IRF6: variants seen among roughly 807,000 people sequenced by gnomAD.
The protein encoded by IRF6 is interferon regulatory factor 6, also known as Van der Woude syndrome.
In IRF6, 6 loss-of-function variants were observed where a neutral mutation model predicts 51.4. That is an observed-to-expected ratio of 0.12 (90% confidence interval 0.06 to 0.23). IRF6 has a LOEUF of 0.23. IRF6 is among the 10% of genes least tolerant of loss of function. IRF6 has a pLI of 1.00. For synonymous variants in IRF6, 178 were observed against 215.7 expected (o/e 0.83, Z 1.53); for missense variants, 348 against 585.2 (o/e 0.59, Z 4.18).
chr1:209,793,266 C>T lies in IRF6; in HGVS notation c.509-839G>A, dbSNP rs140096319. The T allele has an allele frequency of 6.6e-5, 10 of 152,248 alleles. 1 individual carries two copies. In the East Asian group the frequency reaches 1.3e-3, roughly 21 times the overall value. 9.4% of individuals were successfully genotyped at this position (152,248 alleles called of 1,614,324 possible). On this transcript the variant is annotated intron_variant, in intron 5 of 8. Coordinates refer to ENST00000367021, the MANE Select transcript of IRF6 (RefSeq NM_006147.4). ...TGTCACCCAGACTGGAGTGCAATGG[C>T]ACTCTGGTTAAATTTATGGGAACTG...
intron 5 of IRF6, among the ~76,000 whole-genome samples, chr1:209,793,359 T>C (rs969056536): frequency 3.3e-5 from 5 of 152,184 alleles, no homozygotes; most frequent in African/African-American, 1.2e-4. Context: ...CAAAAAAGGA[T>C]TAAAGGCAGC....
At chr1:209,792,129 G>A in intron 6 of IRF6, 140 bp downstream of exon 6, 1 of 919,654 alleles carries the variant, frequency 1.1e-6, no homozygotes, top group Non-Finnish European at 1.7e-6. Context: ...TCATGGGCTA[G>A]CCAGGAAACA....
intron 2 of IRF6, 77 bp from the exon 3 acceptor site, chr1:209,801,493 C>G: frequency 8.7e-7 from 1 of 1,149,622 alleles, no homozygotes; most frequent in Non-Finnish European, 1.2e-6. Flanking sequence ...AGCCACCTTT[C>G]CCATCTACTA....
At chr1:209,798,088 T>A (rs144490175) in intron 3 of IRF6, among the ~76,000 whole-genome samples, 16 of 152,314 alleles carry the variant, frequency 1.1e-4, no homozygotes, top group Non-Finnish European at 2.2e-4. Flanking sequence ...CAAAAGCTAA[T>A]CTAAATCCTC....
At chr1:209,800,515 G>A (rs918120094) in intron 3 of IRF6, among the ~76,000 whole-genome samples, 5 of 152,160 alleles carry the variant, frequency 3.3e-5, no homozygotes, top group African/African-American at 9.7e-5. Flanking sequence ...TGAACACTCT[G>A]GGAGGCTAAG....
At chr1:209,795,520 C>T (rs1571982765) in intron 4 of IRF6, 102 bp from the exon 5 acceptor site, 1 of 1,562,464 alleles carries the variant, frequency 6.4e-7, no homozygotes, top group Middle Eastern at 2.3e-4. Flanking sequence ...CCAGAGGCTC[C>T]TCAGGTTCAG....
At position 209,788,511 on chromosome 1, in the gene IRF6, T is replaced by G. The variant is rs753818978; in HGVS notation, c.1313A>C (p.Gln438Pro). ...IKDNIVAQLK[Q>P]LYRILQTQES... ...CTGGGTTTGAAGGATGCGGTACAGC[T>G]GCTTCAGCTGAGCAACGATGTTATC... is the stretch of plus-strand genomic sequence containing the variant. Residue 438 changes from glutamine to proline, a missense_variant, in exon 9 of 9, where the codon CAG (glutamine) becomes CCG (proline). Transcript: ENST00000367021. 1.9e-6 allele frequency: 3 copies of G among 1,614,064 alleles called. No individual in the cohort carries two copies. The African/African-American group carries it at 4.0e-5, about 22-fold the overall frequency.
intron 1 of IRF6, among the ~76,000 whole-genome samples, chr1:209,803,965 C>T (rs1295240231): frequency 6.6e-6 from 1 of 151,702 alleles, no homozygotes; most frequent in African/African-American, 2.4e-5. Flanking sequence ...ACACACAGAA[C>T]TGAAAAAAGG....
In IRF6 at chr1:209,803,161, G is replaced by A. The variant is rs1415366408; in HGVS notation, c.-75-1118C>T. Among the ~76,000 whole-genome samples the A allele has an allele frequency of 2.6e-5, 4 of 152,200 alleles. No individual in the cohort carries two copies. The East Asian group carries it at 5.8e-4, about 22-fold the overall frequency. The stretch of plus-strand genomic sequence containing the variant: ...AGTGCATTATAAGCCTTATAAGGAG[G>A]AGGGGATGCATATTCTCTCAACGGC... On this transcript the variant is annotated intron_variant, in intron 1 of 8. Transcript: ENST00000367021.
At chr1:209,795,064 A>G (rs150315211) in intron 5 of IRF6, among the ~76,000 whole-genome samples, 1,667 of 152,320 alleles carry the variant, frequency 0.011, 28 homozygotes, top group African/African-American at 0.038. Context: ...TTAGCACATA[A>G]GCTTCCAAAG....
rs1558042758 is a variant in IRF6, at chr1:209,801,170, G to A, written c.174+70C>T. 8.5e-6 allele frequency: 11 copies of A among 1,288,350 alleles called. No individual in the cohort carries two copies. The South Asian group carries it at 1.2e-4, about 14-fold the overall frequency. 79.8% of individuals were successfully genotyped at this position (1,288,350 alleles called of 1,614,324 possible). ...GTTTCACCAGAGTTTTAGATCTAGT[G>A]TATTCCCCATGCCAAAAAAAAAAAA... On this transcript the variant is annotated intron_variant, in intron 3 of 8. Transcript: ENST00000367021.
intron 3 of IRF6, among the ~76,000 whole-genome samples, chr1:209,798,973 A>G (rs1242917623): frequency 1.3e-5 from 2 of 151,706 alleles, no homozygotes; most frequent in African/African-American, 4.8e-5. Context: ...TGTGGCAATC[A>G]TTGTGATTTA....
chr1:209,791,682 T>G (rs1420933952), intron 6 of IRF6, among the ~76,000 whole-genome samples: 1 of 152,212 alleles, frequency 6.6e-6, no homozygotes, highest in Non-Finnish European at 1.5e-5. Context: ...CCTGCGTGAC[T>G]GATAAATCTG....
chr1:209,789,630 A>C, intron 8 of IRF6, 37 bp downstream of exon 8: 3 of 1,486,818 alleles, frequency 2.0e-6, no homozygotes, highest in Non-Finnish European at 2.8e-6. Context: ...CATTGGCAAA[A>C]AGATGAAGAG....
At position 209,796,837 on chromosome 1, in the gene IRF6, G is replaced by A. The variant is rs188929265; in HGVS notation, c.175-285C>T. ...GAACCTTATCTCAAGCACTGGTACC[G>A]GCACTCATCAAGACGACAATGCTCT... On this transcript the variant is annotated intron_variant, in intron 3 of 8. Coordinates refer to ENST00000367021, the MANE Select transcript of IRF6 (RefSeq NM_006147.4). This position sits in a 1 kb window ranked among gnomAD's most constrained non-coding sequence, Gnocchi z 4.5. Among the ~76,000 whole-genome samples, 7 of 152,272 alleles carry A rather than the reference G, an allele frequency of 4.6e-5. No individual in the cohort carries two copies. Among genetic ancestry groups the A allele is most frequent in the South Asian group, 2.1e-4 (1 of 4,828 alleles).
rs2077845319 is a variant in IRF6 at position 209,788,130 on chromosome 1, A to G, written c.*290T>C. The stretch of plus-strand genomic sequence containing the variant: ...GGTTAAAGGACTTGTTCAAGGTCAC[A>G]TTGGAAGCAAAGCTGCAGCTAGAAC... On this transcript the variant is annotated 3_prime_UTR_variant, in exon 9 of 9. Coordinates refer to ENST00000367021, the MANE Select transcript of IRF6 (RefSeq NM_006147.4). 4 of 444,312 alleles carry G rather than the reference A, an allele frequency of 9.0e-6. No individual in the cohort carries two copies. The South Asian group carries it at 9.5e-5, about 11-fold the overall frequency. 27.5% of individuals were successfully genotyped at this position (444,312 alleles called of 1,614,324 possible).
chr1:209,800,007 AC>A (rs530040742), intron 3 of IRF6, among the ~76,000 whole-genome samples: 137 of 152,174 alleles, frequency 9.0e-4, no homozygotes, highest in African/African-American at 3.3e-3. Flanking sequence ...CCCTTTCCCA[AC>A]CCAATTTCAG....
rs995910526 is a variant in IRF6 at position 209,791,132 on chromosome 1, C to T, written c.668-245G>A. The T allele has an allele frequency of 7.4e-6, 6 of 805,414 alleles. No homozygotes were observed. The African/African-American group carries it at 9.3e-5, about 13-fold the overall frequency. The allele number at this position is 805,414 out of a possible 1,614,324, so 49.9% of individuals were successfully genotyped here. On this transcript the variant is annotated intron_variant, in intron 6 of 8. Transcript: ENST00000367021. ...ACTATTTCTGTTCAATCACCACACC[C>T]CAAAGGCTACAATTGCATCAAGTAA...
Position 209,790,468 on chromosome 1 carries a change from C to A in IRF6, c.1060+27G>T, listed in dbSNP as rs200165413. On this transcript the variant is annotated intron_variant, in intron 7 of 8. Coordinates refer to ENST00000367021, the MANE Select transcript of IRF6 (RefSeq NM_006147.4). The surrounding 1 kb of genome is among the most constrained non-coding windows in gnomAD (Gnocchi z 4.8). ...ATGTACTTCCAGAGAGTGATTCCCA[C>A]GATCAACTTTCTGAGAAATGACTTA... 9.3e-6 allele frequency: 15 copies of A among 1,610,662 alleles called. No individual in the cohort carries two copies. In the Admixed American group the frequency reaches 2.3e-4, roughly 25 times the overall value.
Sources: allele counts gnomAD v4.1 joint callset (sites outside exome capture counted in the v4.1 genomes callset), GRCh38; gene constraint gnomAD v4.1.1; non-coding constraint Gnocchi (gnomAD v3.1); transcripts MANE v1.5; gene names NCBI Gene and HGNC (gene_info 2026-07-23, HGNC 2026-07-21).